The following BFSP2 variants were observed in gnomAD, a reference collection of about 807,000 sequenced individuals.
BFSP2 encodes the protein phakinin.
A neutral mutation model predicts 44.9 loss-of-function variants in BFSP2; 38 were observed. The ratio of observed to expected loss-of-function variants is 0.85; its 90% CI spans 0.65 to 1.11. The LOEUF (loss-of-function observed/expected upper bound fraction) is 1.11, where lower values mean the gene tolerates loss of function less well. Among genes scored for constraint, BFSP2 ranks in the 50% least tolerant of loss-of-function variants. The pLI is 0.00. For missense variants in BFSP2, 525 were observed against 533.0 expected, an observed-to-expected ratio of 0.99 and a Z score of 0.15; for synonymous variants, 197 against 209.9, an observed-to-expected ratio of 0.94 and a Z score of 0.53.
intron 1 of BFSP2, among the ~76,000 whole-genome samples, chr3:133,430,268 C>T (rs1334054076): frequency 8.6e-5 from 13 of 151,994 alleles, no homozygotes; most frequent in South Asian, 8.3e-4. Context: ...TGGGTATATA[C>T]CCAGTAACGG....
chr3:133,448,351 C>A, intron 2 of BFSP2, 138 bp from the exon 3 acceptor site: 1 of 1,089,856 alleles, frequency 9.2e-7, no homozygotes, highest in Non-Finnish European at 1.4e-6. Flanking sequence ...ACTAACAGTG[C>A]CCTCAAATCT....
chr3:133,463,528 G>C (rs1382611103), intron 4 of BFSP2, among the ~76,000 whole-genome samples: 1 of 152,206 alleles, frequency 6.6e-6, no homozygotes, highest in Admixed American at 6.5e-5. Context: ...ACTTCGGAGG[G>C]GAGCATGCGC....
chr3:133,473,653 G>A (rs1410613482), intron 6 of BFSP2, among the ~76,000 whole-genome samples: 1 of 150,970 alleles, frequency 6.6e-6, no homozygotes, highest in Non-Finnish European at 1.5e-5. Flanking sequence ...AGGGAGTGGT[G>A]ATGACTCTTA....
intron 1 of BFSP2, among the ~76,000 whole-genome samples, chr3:133,446,660 A>C (rs1292425262): frequency 8.5e-6 from 1 of 117,364 alleles, no homozygotes; most frequent in Admixed American, 9.5e-5. Flanking sequence ...CTTGGGTTGA[A>C]GGGAGGACAC....
At chr3:133,462,604 T>C (rs2074074349) in intron 4 of BFSP2, among the ~76,000 whole-genome samples, 1 of 152,226 alleles carries the variant, frequency 6.6e-6, no homozygotes, top group African/African-American at 2.4e-5. Context: ...TGTATATGTA[T>C]ATATGTGCCA....
intron 1 of BFSP2, among the ~76,000 whole-genome samples, chr3:133,415,650 T>A (rs2073516947): frequency 1.1e-5 from 1 of 94,588 alleles, no homozygotes. Context: ...TTACCCGTCA[T>A]CTCCCCTCTA....
rs747598156 is a variant in BFSP2 at position 133,472,389 on chromosome 3, T to A, written c.1068T>A (p.His356Gln). 1 of 1,614,002 alleles carries A rather than the reference T, an allele frequency of 6.2e-7. No individual in the cohort carries two copies. Among genetic ancestry groups the A allele is most frequent in the South Asian group, 1.1e-5 (1 of 91,082 alleles). ...ENTLHDAKHWHDMELQNLGAV... is the reference protein window; with the variant it reads ...ENTLHDAKHWQDMELQNLGAV... Reference sequence around the variant, plus strand: ...CCTTGCACGATGCCAAGCACTGGCATGACATGGAGCTCCAGAACCTGGGCG... The same window carrying A: ...CCTTGCACGATGCCAAGCACTGGCAAGACATGGAGCTCCAGAACCTGGGCG... Residue 356 changes from histidine to glutamine, a missense_variant, in exon 6 of 7, where the codon CAT (histidine) becomes CAA (glutamine). Transcript: ENST00000302334.
chr3:133,471,134 A>G (rs764696093), intron 5 of BFSP2, among the ~76,000 whole-genome samples: 1 of 152,234 alleles, frequency 6.6e-6, no homozygotes, highest in Admixed American at 6.5e-5. Context: ...GGAGCCATCA[A>G]TGGAGTTTAA....
At chr3:133,415,881 C>T (rs1376972785) in intron 1 of BFSP2, among the ~76,000 whole-genome samples, 1 of 134,694 alleles carries the variant, frequency 7.4e-6, no homozygotes, top group Non-Finnish European at 1.6e-5. Flanking sequence ...TCGCCCTCTT[C>T]TCTACTCACG....
chr3:133,466,854 C>G lies in BFSP2; in HGVS notation c.918C>G (p.Ser306=), dbSNP rs1157387539. The G allele has an allele frequency of 6.2e-7, 1 of 1,613,726 alleles. No homozygotes were observed. Among genetic ancestry groups the G allele is most frequent in the Non-Finnish European group, 8.5e-7 (1 of 1,179,938 alleles). Residue 306 remains serine, a synonymous_variant, in exon 5 of 7, where the codon TCC becomes TCG. Coordinates refer to ENST00000302334, the MANE Select transcript of BFSP2 (RefSeq NM_003571.4). ...AACAGGCGGAGGTGGCCCACATGTC[C>G]CAGACCCAGGAGGAGAAGCTGGCAG... The part of the protein sequence containing the change: ...AKQQAEVAHM[S]QTQEEKLAAA...
At chr3:133,445,202 G>A (rs559420469) in intron 1 of BFSP2, among the ~76,000 whole-genome samples, 4 of 152,220 alleles carry the variant, frequency 2.6e-5, no homozygotes, top group African/African-American at 9.6e-5. Flanking sequence ...TTCTCAGACT[G>A]AGGGCTGGGA....
chr3:133,416,034 CT>C (rs2073523994), intron 1 of BFSP2, among the ~76,000 whole-genome samples: 2 of 139,708 alleles, frequency 1.4e-5, no homozygotes, highest in African/African-American at 6.0e-5. Flanking sequence ...CTACTCACCC[CT>C]GTCCTCTCCT....
chr3:133,431,446 G>A (rs1009198488), intron 1 of BFSP2, among the ~76,000 whole-genome samples: 1 of 152,068 alleles, frequency 6.6e-6, no homozygotes, highest in African/African-American at 2.4e-5. Flanking sequence ...AATGCCCGCA[G>A]CCCAGGATTC....
chr3:133,414,739 A>C (rs368745342), intron 1 of BFSP2, among the ~76,000 whole-genome samples: 744 of 2,862 alleles, frequency 0.26, 22 homozygotes, highest in Middle Eastern at 0.38. Flanking sequence ...TACCCCTGCC[A>C]TTTCCCCTCT....
intron 1 of BFSP2, among the ~76,000 whole-genome samples, chr3:133,411,397 TTATTTA>T (rs1463454690): frequency 6.6e-6 from 1 of 151,986 alleles, no homozygotes; most frequent in African/African-American, 2.4e-5. Context: ...ATTATTAATT[TTATTTA>T]TATCTATAAT....
At chr3:133,418,961 G>A (rs1049316620) in intron 1 of BFSP2, among the ~76,000 whole-genome samples, 1 of 152,162 alleles carries the variant, frequency 6.6e-6, no homozygotes, top group Admixed American at 6.5e-5. Context: ...TGGGCTGCCA[G>A]AACAAAGGCC....
intron 4 of BFSP2, among the ~76,000 whole-genome samples, chr3:133,463,499 T>A (rs551384203): frequency 2.4e-4 from 36 of 152,360 alleles, no homozygotes; most frequent in African/African-American, 8.7e-4. Flanking sequence ...GGTGTCCGCA[T>A]GTGCGATGGC....
At chr3:133,408,712 G>A (rs1383006080) in intron 1 of BFSP2, among the ~76,000 whole-genome samples, 1 of 152,196 alleles carries the variant, frequency 6.6e-6, no homozygotes, top group Non-Finnish European at 1.5e-5. Context: ...ATGATCTCCA[G>A]GATATGTTAT....
intron 1 of BFSP2, among the ~76,000 whole-genome samples, chr3:133,434,091 T>C (rs1210151383): frequency 6.6e-6 from 1 of 152,234 alleles, no homozygotes; most frequent in Non-Finnish European, 1.5e-5. Flanking sequence ...CTGATATCTC[T>C]TGGTGCTATT....
Sources: gnomAD v4.1 joint callset for allele counts (sites outside exome capture counted in the v4.1 genomes callset) on GRCh38, gnomAD v4.1.1 for gene constraint, MANE v1.5 for transcripts, NCBI Gene and HGNC (gene_info 2026-07-23, HGNC 2026-07-21) for gene names.